The following TCHP variants were observed in gnomAD, a reference collection of about 807,000 sequenced individuals.
The protein encoded by TCHP is trichoplein keratin filament-binding protein.
TCHP carries 81 observed loss-of-function variants against 88.7 expected under a neutral mutation model. That is an observed-to-expected ratio of 0.91 (90% confidence interval 0.76 to 1.10). The LOEUF (loss-of-function observed/expected upper bound fraction) is 1.10, where lower values mean the gene tolerates loss of function less well. Ranked by LOEUF, TCHP falls within the 50% of genes least tolerant of loss-of-function variation. The pLI, the probability that TCHP is intolerant of heterozygous loss-of-function variation, is 0.00. For missense variants in TCHP, 641 were observed against 632.1 expected, an observed-to-expected ratio of 1.01 and a Z score of -0.15; for synonymous variants, 232 against 232.5, an observed-to-expected ratio of 1.00 and a Z score of 0.02.
intron 10 of TCHP, among the ~76,000 whole-genome samples, chr12:109,913,422 G>A (rs871789): frequency 0.07 from 10,592 of 152,128 alleles, 601 homozygotes; most frequent in African/African-American, 0.15. Flanking sequence ...CTTTATAAAC[G>A]GCATGTCAGG....
At chr12:109,884,781 G>A in the TCHP span, among the ~76,000 whole-genome samples, 4 of 152,242 alleles carry the variant, frequency 2.6e-5, no homozygotes, top group East Asian at 3.9e-4. Flanking sequence ...TGAACCATCT[G>A]AGCATAAGTT....
intron 8 of TCHP, 83 bp downstream of exon 8, chr12:109,909,020 C>A: frequency 7.6e-7 from 1 of 1,315,470 alleles, no homozygotes; most frequent in Non-Finnish European, 1.1e-6. Context: ...TGAGTGCATT[C>A]TCGTAAGAAT....
chr12:109,895,847 G>A (rs574135035), upstream of TCHP, among the ~76,000 whole-genome samples: 3 of 152,220 alleles, frequency 2.0e-5, no homozygotes, highest in South Asian at 4.1e-4. Context: ...TCCAACCTGC[G>A]GGTTCCTACC....
At chr12:109,911,331 G>T (rs972886447) in intron 9 of TCHP, 96 bp downstream of exon 9, 11 of 661,806 alleles carry the variant, frequency 1.7e-5, no homozygotes, top group Non-Finnish European at 2.5e-5. Context: ...ATATCTATTG[G>T]CTGGGCGTGG....
chr12:109,907,535 A>C lies in TCHP; in HGVS notation c.535A>C (p.Thr179Pro). 6.2e-7 allele frequency: 1 copy of C among 1,614,186 alleles called. No individual in the cohort carries two copies. The highest frequency in any genetic ancestry group is 8.5e-7 in the Non-Finnish European group (1 of 1,180,010). Residue 179 changes from threonine (T) to proline (P), a missense_variant, in exon 6 of 13, where the codon ACC becomes CCC. Transcript: ENST00000405876. ...QKEEKKQQEA[T>P]AEQENKRYEN... Reference sequence around the variant, plus strand: ...ATTTGGTCCCTTGTAGCAAGAAGCCACCGCAGAGCAAGAGAACAAACGGTA... The same window carrying C: ...ATTTGGTCCCTTGTAGCAAGAAGCCCCCGCAGAGCAAGAGAACAAACGGTA...
Position 109,915,469 on chromosome 12 carries a change from C to T in TCHP, c.1387C>T (p.Arg463Trp), listed in dbSNP as rs372458088. The T allele has an allele frequency of 2.4e-5, 39 of 1,613,916 alleles. No individual in the cohort carries two copies. Among genetic ancestry groups the T allele is most frequent in the Middle Eastern group, 3.3e-4 (2 of 6,072 alleles). Residue 463 changes from arginine to tryptophan, a missense_variant, in exon 12 of 13, where the codon CGG (arginine) becomes TGG (tryptophan). Physicochemically the swap from Arg to Trp is moderately radical, Grantham distance 101. Coordinates refer to ENST00000405876, the MANE Select transcript of TCHP (RefSeq NM_001143852.2). ...GGAGGAGGAGGAAGAGGAGGAGGCCCGGCGGGTCGAGCAGCTCTCAGATGC... is the reference window on the plus strand; with the variant it reads ...GGAGGAGGAGGAAGAGGAGGAGGCCTGGCGGGTCGAGCAGCTCTCAGATGC... ...QQEEEEEEEA[R>W]RVEQLSDALL...
At chr12:109,893,784 C>T in the TCHP span, among the ~76,000 whole-genome samples, 14 of 152,234 alleles carry the variant, frequency 9.2e-5, no homozygotes, top group African/African-American at 3.4e-4. Flanking sequence ...ACTCACAGAT[C>T]CAGAGAGCAG....
the TCHP span, among the ~76,000 whole-genome samples, chr12:109,894,021 T>A: frequency 1.3e-5 from 2 of 152,042 alleles, no homozygotes; most frequent in Admixed American, 1.3e-4. Flanking sequence ...CCATCTCTAC[T>A]AAAAATACAA....
rs1870602358 is a variant in TCHP at position 109,913,072 on chromosome 12, G to A, written c.1134G>A (p.Glu378=). 7 of 1,613,824 alleles carry A rather than the reference G, an allele frequency of 4.3e-6. No homozygotes were observed. Among genetic ancestry groups the A allele is most frequent in the Non-Finnish European group, 5.9e-6 (7 of 1,180,010 alleles). The change falls in exon 10 of 13, where the codon GAG becomes GAA. Residue 378 remains glutamate, a splice_region_variant and synonymous_variant. Coordinates refer to ENST00000405876, the MANE Select transcript of TCHP (RefSeq NM_001143852.2). ...GCGCACGGGACAGACTGATGAGCGAGGTAATCCCAGCTGCGGCGATGTGGA... is the reference window on the plus strand; with the variant it reads ...GCGCACGGGACAGACTGATGAGCGAAGTAATCCCAGCTGCGGCGATGTGGA... ...ERSARDRLMS[E]VLTGRQQQIQ...
the TCHP span, among the ~76,000 whole-genome samples, chr12:109,893,916 G>A: frequency 1.3e-5 from 2 of 152,200 alleles, no homozygotes; most frequent in Non-Finnish European, 2.9e-5. Context: ...AGGCACGGTG[G>A]CTCATGCCTG....
At chr12:109,911,611 CAAAAAA>C (rs1209414114) in intron 9 of TCHP, among the ~76,000 whole-genome samples, 2 of 45,524 alleles carry the variant, frequency 4.4e-5, no homozygotes, top group Admixed American at 2.3e-4. Context: ...GACTCTGTCT[CAAAAAA>C]AAAAAAAAAA....
chr12:109,910,893 CCA>C (rs1265359603), intron 8 of TCHP, among the ~76,000 whole-genome samples, 168 bp from the exon 9 acceptor site: 4 of 152,194 alleles, frequency 2.6e-5, no homozygotes, highest in Admixed American at 2.6e-4. Context: ...GTGATTATCC[CCA>C]GTCTGTTCCA....
Position 109,905,663 on chromosome 12 carries a change from C to A in TCHP, c.456+870C>A, listed in dbSNP as rs533874239. 6.6e-6 allele frequency among the ~76,000 whole-genome samples: 1 copy of A among 152,124 alleles called. No homozygotes were observed. Among genetic ancestry groups the A allele is most frequent in the Non-Finnish European group, 1.5e-5 (1 of 68,024 alleles). On this transcript the variant is annotated intron_variant, in intron 4 of 12. Coordinates refer to ENST00000405876, the MANE Select transcript of TCHP (RefSeq NM_001143852.2). This position sits in a 1 kb window ranked among gnomAD's most constrained non-coding sequence, Gnocchi z 4.0. ...AGTTTTTGTATACATTTGGTGCCTTCGTGTTATTCGTAGTTACATTTAGAA... is the reference window on the plus strand; with the variant it reads ...AGTTTTTGTATACATTTGGTGCCTTAGTGTTATTCGTAGTTACATTTAGAA...
upstream of TCHP, among the ~76,000 whole-genome samples, chr12:109,899,537 C>A (rs1869662827): frequency 6.6e-6 from 1 of 152,214 alleles, no homozygotes; most frequent in East Asian, 1.9e-4. Flanking sequence ...ACTCGGTAGG[C>A]TGAGGCAGGG....
At chr12:109,915,653 C>T (rs1431970985) in intron 12 of TCHP, 107 bp downstream of exon 12, 7 of 1,298,214 alleles carry the variant, frequency 5.4e-6, no homozygotes, top group South Asian at 1.5e-5. Flanking sequence ...GCTCTCCGGC[C>T]GTCCGGGTTA....
At chr12:109,901,093 A>G (rs1869763316) in intron 1 of TCHP, 1 of 152,066 alleles carries the variant, frequency 6.6e-6, no homozygotes, top group Non-Finnish European at 1.5e-5. Flanking sequence ...CATACTTCCG[A>G]GTGTTATTAT....
chr12:109,918,040 A>G lies in TCHP; in HGVS notation c.*1417A>G, dbSNP rs1870913161. ...CGTTCCCCATTTCAGATGTCCAGTAATGGTGAAATAAAATCCTGCTTCGAC... is the reference window on the plus strand; with the variant it reads ...CGTTCCCCATTTCAGATGTCCAGTAGTGGTGAAATAAAATCCTGCTTCGAC... On this transcript the variant is annotated 3_prime_UTR_variant, in exon 13 of 13. Coordinates refer to ENST00000405876, the MANE Select transcript of TCHP (RefSeq NM_001143852.2). The G allele has an allele frequency of 1.3e-5, 2 of 152,170 alleles. No individual in the cohort carries two copies. Among genetic ancestry groups the G allele is most frequent in the African/African-American group, 2.4e-5 (1 of 41,432 alleles). 9.4% of individuals were successfully genotyped at this position (152,170 alleles called of 1,614,324 possible). A position where few individuals can be genotyped will look rare whatever the true frequency, so the allele number is the denominator to read the frequency against.
chr12:109,897,580 A>G (rs1448837902), upstream of TCHP, among the ~76,000 whole-genome samples: 1 of 142,506 alleles, frequency 7.0e-6, no homozygotes, highest in Non-Finnish European at 1.5e-5. Context: ...TTTTTTTTTG[A>G]GACAGGGACT....
Position 109,903,018 on chromosome 12 carries a change from T to C in TCHP, c.1-9T>C, listed in dbSNP as rs1038832508. 5 of 1,589,674 alleles carry C rather than the reference T, an allele frequency of 3.1e-6. No homozygotes were observed. The highest frequency in any genetic ancestry group is 2.7e-5 in the African/African-American group (2 of 74,222). On this transcript the variant is annotated splice_polypyrimidine_tract_variant and intron_variant, in intron 1 of 12. Transcript: ENST00000405876. This position sits in a 1 kb window ranked among gnomAD's most constrained non-coding sequence, Gnocchi z 4.6. ...CAGTGGCTCACTTTCCTCCCATTCC[T>C]GTTCTCAGATGGCGCTCCCGACGCT... is the stretch of plus-strand genomic sequence containing the variant.
Sources: allele counts gnomAD v4.1 joint callset (sites outside exome capture counted in the v4.1 genomes callset), GRCh38; gene constraint gnomAD v4.1.1; non-coding constraint Gnocchi (gnomAD v3.1); transcripts MANE v1.5; gene names NCBI Gene and HGNC (gene_info 2026-07-23, HGNC 2026-07-21).